Variants in SLC25A21 observed in about 807,000 individuals in gnomAD.
The protein encoded by SLC25A21 is mitochondrial 2-oxodicarboxylate carrier.
Under a neutral mutation model 43.8 loss-of-function variants are expected in SLC25A21, and 47 were observed. That is an observed-to-expected ratio of 1.07 (90% confidence interval 0.85 to 1.37). The LOEUF (loss-of-function observed/expected upper bound fraction) is 1.37. Ranked by LOEUF, SLC25A21 falls within the 40% of genes most tolerant of loss-of-function variation. The probability of loss-of-function intolerance (pLI) is 0.00; values close to 1 mark genes in which losing one functional copy is unlikely to be tolerated. For synonymous variants in SLC25A21, 131 were observed against 121.3 expected, an observed-to-expected ratio of 1.08 and a Z score of -0.52; for missense variants, 352 against 350.2, an observed-to-expected ratio of 1.00 and a Z score of -0.04.
Position 36,965,604 on chromosome 14 carries a change from T to C in SLC25A21, c.71-90600A>G, listed in dbSNP as rs141158991. On this transcript the variant is annotated intron_variant, in intron 1 of 9. Transcript: ENST00000331299. ...AGACATACTTTCCAAATAAGAACTA[T>C]AGCATTCTTATTAATTCCTATTAGA... 3.3e-5 allele frequency among the ~76,000 whole-genome samples: 5 copies of C among 152,282 alleles called. No individual in the cohort carries two copies. In the East Asian group the frequency reaches 9.7e-4, roughly 29 times the overall value.
chr14:36,990,846 G>A (rs567729556), intron 1 of SLC25A21, among the ~76,000 whole-genome samples: 2 of 151,712 alleles, frequency 1.3e-5, no homozygotes, highest in South Asian at 2.1e-4. Flanking sequence ...GCACCACTGC[G>A]CTCCAGCCTG....
intron 2 of SLC25A21, among the ~76,000 whole-genome samples, chr14:36,844,325 C>T (rs1293485045): frequency 3.9e-5 from 6 of 152,146 alleles, no homozygotes; most frequent in Non-Finnish European, 8.8e-5. Context: ...ACAATTTGCT[C>T]CCACTCCTGG....
chr14:37,123,183 T>C (rs1016605190), intron 1 of SLC25A21, among the ~76,000 whole-genome samples: 1 of 152,204 alleles, frequency 6.6e-6, no homozygotes. Flanking sequence ...ATGCTGTAAG[T>C]GATTTCTTGG....
intron 1 of SLC25A21, among the ~76,000 whole-genome samples, chr14:37,101,908 G>T (rs1411293267): frequency 6.6e-6 from 1 of 152,050 alleles, no homozygotes; most frequent in East Asian, 1.9e-4. Flanking sequence ...TATTGACTTT[G>T]TTAAATGCAT....
chr14:36,711,561 T>C, intron 6 of SLC25A21, 79 bp from the exon 7 acceptor site: 1 of 1,459,466 alleles, frequency 6.9e-7, no homozygotes. Flanking sequence ...TAACTTCCCT[T>C]CAAGCCAGAA....
At chr14:36,799,404 C>T (rs1220865630) in intron 3 of SLC25A21, among the ~76,000 whole-genome samples, 1 of 152,092 alleles carries the variant, frequency 6.6e-6, no homozygotes, top group Non-Finnish European at 1.5e-5. Context: ...TTCTATTCAC[C>T]ATGGTGGTGT....
intron 1 of SLC25A21, among the ~76,000 whole-genome samples, chr14:36,983,049 T>C (rs1226868359): frequency 6.6e-6 from 1 of 152,214 alleles, no homozygotes; most frequent in Non-Finnish European, 1.5e-5. Context: ...AAATTAACAG[T>C]TGGCCTTTCA....
At chr14:37,049,604 T>C (rs568004281) in intron 1 of SLC25A21, among the ~76,000 whole-genome samples, 11 of 152,222 alleles carry the variant, frequency 7.2e-5, no homozygotes, top group South Asian at 4.1e-4. Context: ...CATAGAATTA[T>C]GAAAATAATT....
At chr14:36,858,413 T>G (rs79841593) in intron 2 of SLC25A21, among the ~76,000 whole-genome samples, 2,309 of 152,294 alleles carry the variant, frequency 0.015, 55 homozygotes, top group African/African-American at 0.053. Context: ...CTGAAAATAT[T>G]TTTTGAAACA....
chr14:36,785,522 T>G (rs545704044), intron 3 of SLC25A21, among the ~76,000 whole-genome samples: 46 of 152,306 alleles, frequency 3.0e-4, no homozygotes, highest in African/African-American at 1.1e-3. Context: ...CATAAAGCTA[T>G]TTGAGCTTCT....
At chr14:37,130,205 A>G (rs1367879805) in intron 1 of SLC25A21, among the ~76,000 whole-genome samples, 1 of 152,118 alleles carries the variant, frequency 6.6e-6, no homozygotes, top group African/African-American at 2.4e-5. Context: ...TAGAGGCTGC[A>G]GTGAGCTATG....
chr14:37,122,490 A>G (rs1963226422), intron 1 of SLC25A21, among the ~76,000 whole-genome samples: 1 of 152,220 alleles, frequency 6.6e-6, no homozygotes, highest in Admixed American at 6.5e-5. Context: ...ACTTCTGTCA[A>G]AGTGCTCACT....
intron 1 of SLC25A21, among the ~76,000 whole-genome samples, chr14:37,095,816 A>ACG (rs999840678): frequency 8.3e-4 from 29 of 34,732 alleles, no homozygotes; most frequent in African/African-American, 1.3e-3. Context: ...ACACACGCGC[A>ACG]CGCACACACA....
intron 1 of SLC25A21, among the ~76,000 whole-genome samples, chr14:37,056,912 T>A (rs1405677702): frequency 6.6e-6 from 1 of 152,092 alleles, no homozygotes; most frequent in East Asian, 1.9e-4. Context: ...TTCAAAATCT[T>A]CTCATTTTTC....
intron 1 of SLC25A21, among the ~76,000 whole-genome samples, chr14:37,157,140 T>A (rs1479576839): frequency 6.6e-6 from 1 of 152,158 alleles, no homozygotes; most frequent in Non-Finnish European, 1.5e-5. Context: ...GTGGATTGCT[T>A]GGGGCCAGGA....
chr14:37,157,315 T>C (rs564050995), intron 1 of SLC25A21, among the ~76,000 whole-genome samples: 6 of 152,046 alleles, frequency 3.9e-5, no homozygotes, highest in Admixed American at 1.3e-4. Context: ...TGAGCCAAGA[T>C]AGTGCCACTG....
At chr14:37,088,709 A>G (rs1404688316) in intron 1 of SLC25A21, among the ~76,000 whole-genome samples, 1 of 152,236 alleles carries the variant, frequency 6.6e-6, no homozygotes, top group Non-Finnish European at 1.5e-5. Context: ...AATGCCAATT[A>G]CAGGGCATAT....
intron 1 of SLC25A21, among the ~76,000 whole-genome samples, chr14:36,981,466 A>C (rs1293865505): frequency 6.6e-6 from 1 of 152,238 alleles, no homozygotes; most frequent in Admixed American, 6.5e-5. Context: ...AGACTGGATT[A>C]AGAAAATGTG....
intron 7 of SLC25A21, among the ~76,000 whole-genome samples, chr14:36,690,244 T>C (rs1447476095): frequency 1.3e-5 from 2 of 152,220 alleles, no homozygotes; most frequent in East Asian, 3.8e-4. Context: ...ATAATATTTG[T>C]ATTTTTTCAC....
Sources: allele counts gnomAD v4.1 joint callset (sites outside exome capture counted in the v4.1 genomes callset), GRCh38; gene constraint gnomAD v4.1.1; transcripts MANE v1.5; gene names NCBI Gene and HGNC (gene_info 2026-07-23, HGNC 2026-07-21).